MICAL1: variants seen among roughly 807,000 people sequenced by gnomAD.
MICAL1 encodes the protein microtubule associated monooxygenase, calponin and LIM domain containing 1.
In MICAL1, 95 loss-of-function variants were observed where a neutral mutation model predicts 131.8. The observed-to-expected ratio is 0.72, with a 90% CI of 0.61 to 0.86. The LOEUF is 0.86. Among genes scored for constraint, MICAL1 ranks in the 40% least tolerant of loss-of-function variants. The probability of loss-of-function intolerance (pLI) is 0.00; values close to 1 mark genes in which losing one functional copy is unlikely to be tolerated. For synonymous variants in MICAL1, 546 were observed against 554.2 expected, an observed-to-expected ratio of 0.99 and a Z score of 0.21; for missense variants, 1,292 against 1,380.6, an observed-to-expected ratio of 0.94 and a Z score of 1.02.
Position 109,448,753 on chromosome 6 carries a change from T to C in MICAL1, c.1643A>G (p.Tyr548Cys), listed in dbSNP as rs1582643564. The change falls in exon 12 of 25, where the codon TAC becomes TGC. Residue 548 changes from tyrosine (Y) to cysteine (C), a missense_variant. Physicochemically the swap from Tyr to Cys is radical, Grantham distance 194 (BLOSUM62 -2). Coordinates refer to ENST00000358807, the MANE Select transcript of MICAL1 (RefSeq NM_022765.4). The part of the protein sequence containing the change: ...ADGLALCALV[Y>C]RLQPGLLEPS... ...TCACAGCAGGCCAGGCTGCAGCCGG[T>C]ACACCAGGGCACACAGAGCTAGCCC... is the stretch of plus-strand genomic sequence containing the variant. The C allele has an allele frequency of 6.2e-7, 1 of 1,613,906 alleles. No homozygotes were observed. The highest frequency in any genetic ancestry group is 1.1e-5 in the South Asian group (1 of 91,090).
chr6:109,444,896 G>A lies in MICAL1; in HGVS notation c.2981C>T (p.Thr994Met), dbSNP rs1020073671. The change falls in exon 23 of 25, where the codon ACG becomes ATG. Residue 994 changes from threonine (T) to methionine (M), a missense_variant and splice_region_variant. Coordinates refer to ENST00000358807, the MANE Select transcript of MICAL1 (RefSeq NM_022765.4). Reference sequence around the variant, plus strand: ...ACTGTCACCATCCCCTTCCCCTTACGTGATCATGAGCTCGGCCTCCTCAGC... The same window carrying A: ...ACTGTCACCATCCCCTTCCCCTTACATGATCATGAGCTCGGCCTCCTCAGC... ...LVAEEAELMITVQELNLEEKQ... is the reference protein window; with the variant it reads ...LVAEEAELMIMVQELNLEEKQ... The A allele has an allele frequency of 6.8e-6, 11 of 1,614,138 alleles. No individual in the cohort carries two copies. The highest frequency in any genetic ancestry group is 9.3e-6 in the Non-Finnish European group (11 of 1,180,020).
intron 18 of MICAL1, 68 bp downstream of exon 18, chr6:109,446,628 G>A: frequency 6.5e-7 from 1 of 1,528,768 alleles, no homozygotes; most frequent in Non-Finnish European, 9.0e-7. Flanking sequence ...CCCCAGCAAA[G>A]CGCTGGTTTG....
At chr6:109,458,185 G>C (rs574326701), upstream of MICAL1, among the ~76,000 whole-genome samples, 17 of 151,320 alleles carry the variant, frequency 1.1e-4, no homozygotes, top group South Asian at 3.1e-3. Context: ...TCCTTAATTA[G>C]AATCTTGAGT....
upstream of MICAL1, among the ~76,000 whole-genome samples, chr6:109,460,521 A>AACACAC (rs1450140160): frequency 1.4e-5 from 1 of 69,692 alleles, no homozygotes; most frequent in Non-Finnish European, 2.4e-5. Context: ...TATATATATA[A>AACACAC]ATACACACAC....
At chr6:109,456,017 G>C, upstream of MICAL1, 1 of 986,080 alleles carries the variant, frequency 1.0e-6, no homozygotes, top group Non-Finnish European at 1.2e-6. Context: ...TGGCGCCCGA[G>C]GGCGTGGCGC....
chr6:109,453,742 C>G lies in MICAL1; in HGVS notation c.362G>C (p.Arg121Pro). 2.5e-6 allele frequency: 4 copies of G among 1,613,802 alleles called. No individual in the cohort carries two copies. Among genetic ancestry groups the G allele is most frequent in the Non-Finnish European group, 3.4e-6 (4 of 1,180,014 alleles). ...VLVEKRTKFS[R>P]HNVLHLWPFT... The stretch of plus-strand genomic sequence containing the variant: ...GGGCCAGAGGTGGAGCACGTTGTGG[C>G]GAGAGAACTTGGTGCGCTTTTCCAC... Residue 121 changes from arginine (R) to proline (P), a missense_variant, in exon 3 of 25, where the codon CGC becomes CCC. Physicochemically the swap from Arg to Pro is moderately radical, Grantham distance 103. Transcript: ENST00000358807.
intron 1 of MICAL1, chr6:109,454,651 A>T (rs2115340860): frequency 5.3e-6 from 1 of 187,516 alleles, no homozygotes; most frequent in East Asian, 1.5e-4. Context: ...GACAGATCTG[A>T]TACCCACAAC....
At chr6:109,455,855 G>A (rs952473664), upstream of MICAL1, 1 of 985,660 alleles carries the variant, frequency 1.0e-6, no homozygotes, top group Non-Finnish European at 1.2e-6. This position sits in a 1 kb window ranked among gnomAD's most constrained non-coding sequence, Gnocchi z 4.7. Flanking sequence ...GCGGCCCGGG[G>A]CGTGCGCCTG....
intron 19 of MICAL1, 100 bp from the exon 20 acceptor site, chr6:109,445,962 A>G: frequency 6.6e-7 from 1 of 1,521,846 alleles, no homozygotes; most frequent in Non-Finnish European, 8.8e-7. Context: ...TCTGGTAAAG[A>G]CTGAATGTAT....
rs771503988 is a variant in MICAL1, at chr6:109,446,318, T to C, written c.2399A>G (p.Gln800Arg). The C allele has an allele frequency of 6.2e-7, 1 of 1,612,474 alleles. No homozygotes were observed. The highest frequency in any genetic ancestry group is 1.3e-5 in the African/African-American group (1 of 74,430). ...EGAGPVPDPS[Q>R]PTRRQIRLSS... ...GAGGCGGATCTGCCGACGGGTGGGC[T>C]GGCTGGGATCTGGAACAGGACCGGC... Residue 800 changes from glutamine (Q) to arginine (R), a missense_variant, in exon 19 of 25, where the codon CAG becomes CGG. By Grantham distance (43) the Gln-to-Arg change is conservative. Coordinates refer to ENST00000358807, the MANE Select transcript of MICAL1 (RefSeq NM_022765.4).
At position 109,449,962 on chromosome 6, in the gene MICAL1, G is replaced by C; in HGVS notation, c.1307+8C>G. On this transcript the variant is annotated splice_region_variant and intron_variant, in intron 9 of 24. Transcript: ENST00000358807. ...CCCTGCCCACATCCTCCTCAACTCA[G>C]GTCTTACCGCTCAGCCAACACCTCT... is the stretch of plus-strand genomic sequence containing the variant. 1 of 1,613,356 alleles carries C rather than the reference G, an allele frequency of 6.2e-7. No individual in the cohort carries two copies. Among genetic ancestry groups the C allele is most frequent in the South Asian group, 1.1e-5 (1 of 91,026 alleles).
At chr6:109,465,775 G>C in exon 1 of MICAL1, 1 of 1,613,764 alleles carries the variant, frequency 6.2e-7, no homozygotes, top group Non-Finnish European at 8.5e-7. Context: ...TGGAGAGCCT[G>C]ATTTCAAGCG....
intron 1 of MICAL1, chr6:109,463,920 G>A (rs1289429877): frequency 6.6e-6 from 1 of 152,168 alleles, no homozygotes; most frequent in Non-Finnish European, 1.5e-5. Flanking sequence ...TGTAGAGGTA[G>A]ACTGTTATAG....
chr6:109,449,543 A>T, intron 10 of MICAL1, 62 bp from the exon 11 acceptor site: 1 of 1,606,912 alleles, frequency 6.2e-7, no homozygotes, highest in Non-Finnish European at 8.5e-7. Flanking sequence ...GTCCAGGGGT[A>T]AGGGCCTGCC....
chr6:109,457,724 T>C (rs945051527), upstream of MICAL1, among the ~76,000 whole-genome samples: 45 of 152,290 alleles, frequency 3.0e-4, no homozygotes, highest in Non-Finnish European at 1.6e-4. Context: ...CTCAATGCCT[T>C]TTGCCAAGCA....
intron 11 of MICAL1, 100 bp downstream of exon 11, chr6:109,449,300 G>C (rs746978321): frequency 7.7e-7 from 1 of 1,296,226 alleles, no homozygotes; most frequent in South Asian, 1.2e-5. Context: ...GCTCCGGCAC[G>C]CTGCTCCTGT....
chr6:109,458,270 T>A (rs1775806169), upstream of MICAL1, among the ~76,000 whole-genome samples: 1 of 152,166 alleles, frequency 6.6e-6, no homozygotes. Flanking sequence ...TTGGATCAAA[T>A]AAGTGGGTGA....
chr6:109,455,230 GGCA>G lies in MICAL1; in HGVS notation c.-44+486_-44+488del, dbSNP rs1371271970. Among the ~76,000 whole-genome samples, 1 of 152,210 alleles carries G rather than the reference GGCA, an allele frequency of 6.6e-6. No homozygotes were observed. The highest frequency in any genetic ancestry group is 1.5e-5 in the Non-Finnish European group (1 of 68,036). On this transcript the variant is annotated intron_variant, in intron 1 of 24. Transcript: ENST00000358807. This position sits in a 1 kb window ranked among gnomAD's most constrained non-coding sequence, Gnocchi z 4.7. Reference sequence around the variant, plus strand: ...CACGGCAGCGTTAGGGAGGGTGAATGGCAGCAGTGGGGGCAGGTCCCTGAGGCT... The same window carrying G: ...CACGGCAGCGTTAGGGAGGGTGAATGGCAGTGGGGGCAGGTCCCTGAGGCT...
At chr6:109,461,083 C>T (rs1321263852) in intron 1 of MICAL1, among the ~76,000 whole-genome samples, 2 of 152,008 alleles carry the variant, frequency 1.3e-5, no homozygotes, top group Non-Finnish European at 2.9e-5. Context: ...TTAGGTATTT[C>T]TCATAATCCT....
Sources: allele counts gnomAD v4.1 joint callset (sites outside exome capture counted in the v4.1 genomes callset), GRCh38; gene constraint gnomAD v4.1.1; non-coding constraint Gnocchi (gnomAD v3.1); transcripts MANE v1.5; gene names NCBI Gene and HGNC (gene_info 2026-07-23, HGNC 2026-07-21).